CNTNAP5: variants seen among roughly 807,000 people sequenced by gnomAD.
The protein encoded by CNTNAP5 is contactin associated protein family member 5.
CNTNAP5 carries 72 observed loss-of-function variants against 150.2 expected under a neutral mutation model. The observed-to-expected ratio is 0.48, with a 90% CI of 0.40 to 0.58. The LOEUF (loss-of-function observed/expected upper bound fraction) is 0.58, where lower values mean the gene tolerates loss of function less well. Among genes scored for constraint, CNTNAP5 ranks in the 20% least tolerant of loss-of-function variants. The pLI, the probability that CNTNAP5 is intolerant of heterozygous loss-of-function variation, is 0.00. For synonymous variants in CNTNAP5, 672 were observed against 619.8 expected, an observed-to-expected ratio of 1.08 and a Z score of -1.25; for missense variants, 1,636 against 1,626.2, an observed-to-expected ratio of 1.01 and a Z score of -0.10.
At chr2:124,237,916 C>T (rs1382267823) in intron 2 of CNTNAP5, among the ~76,000 whole-genome samples, 3 of 152,106 alleles carry the variant, frequency 2.0e-5, no homozygotes, top group Admixed American at 2.0e-4. Context: ...TTCTTGCTTT[C>T]TTAAGATGTT....
At chr2:124,655,452 C>T (rs140529444) in intron 13 of CNTNAP5, among the ~76,000 whole-genome samples, 32 of 151,946 alleles carry the variant, frequency 2.1e-4, no homozygotes, top group Non-Finnish European at 3.1e-4. Flanking sequence ...CTGCAATAAA[C>T]GTACGTGTGC....
At chr2:124,649,960 A>T (rs1291714254) in intron 13 of CNTNAP5, among the ~76,000 whole-genome samples, 1 of 152,222 alleles carries the variant, frequency 6.6e-6, no homozygotes, top group Non-Finnish European at 1.5e-5. Context: ...AAATAGAATA[A>T]TTGTCATAAT....
intron 3 of CNTNAP5, among the ~76,000 whole-genome samples, chr2:124,314,848 A>G (rs889936155): frequency 6.6e-6 from 1 of 152,184 alleles, no homozygotes; most frequent in Non-Finnish European, 1.5e-5. Flanking sequence ...TTCTTATCTA[A>G]TAAAATATCA....
In CNTNAP5 at chr2:124,555,046, C is replaced by G. The variant is rs575894551; in HGVS notation, c.1650-8171C>G. Reference sequence around the variant, plus strand: ...AGGGTAAGGTTCTTCCTAAGACTGTCAACTGATACTGAGTCTTAACCCTGT... The same window carrying G: ...AGGGTAAGGTTCTTCCTAAGACTGTGAACTGATACTGAGTCTTAACCCTGT... On this transcript the variant is annotated intron_variant, in intron 10 of 23. Coordinates refer to ENST00000682447, the MANE Select transcript of CNTNAP5 (RefSeq NM_001367498.1). Among the ~76,000 whole-genome samples, 7 of 152,234 alleles carry G rather than the reference C, an allele frequency of 4.6e-5. No individual in the cohort carries two copies. The South Asian group carries it at 1.5e-3, about 32-fold the overall frequency.
rs912217712 is a variant in CNTNAP5 at position 124,916,063 on chromosome 2, A to G, written c.*1775A>G. Among the ~76,000 whole-genome samples the G allele has an allele frequency of 1.3e-5, 2 of 152,042 alleles. No individual in the cohort carries two copies. The highest frequency in any genetic ancestry group is 2.4e-5 in the African/African-American group (1 of 41,438). ...ATGAGGAACTTAGTTGCTTCATTCC[A>G]TTTCAAACACAGCTTTTCTTTCAGT... On this transcript the variant is annotated 3_prime_UTR_variant, in exon 24 of 24. Transcript: ENST00000682447.
chr2:124,440,263 T>C (rs1045639485), intron 5 of CNTNAP5, among the ~76,000 whole-genome samples: 1 of 152,176 alleles, frequency 6.6e-6, no homozygotes, highest in Non-Finnish European at 1.5e-5. Flanking sequence ...ATTCTGATGA[T>C]CTGATAGAGG....
At chr2:124,533,486 C>T (rs1047427078) in intron 10 of CNTNAP5, among the ~76,000 whole-genome samples, 6 of 152,116 alleles carry the variant, frequency 3.9e-5, no homozygotes, top group Admixed American at 2.0e-4. Context: ...TCCTGGAGGA[C>T]GTGGAATTGT....
chr2:124,064,345 G>A (rs116593147), intron 1 of CNTNAP5, among the ~76,000 whole-genome samples: 1 of 152,176 alleles, frequency 6.6e-6, no homozygotes, highest in African/African-American at 2.4e-5. Context: ...TTCAGGCATG[G>A]TGAGAAAGGT....
At chr2:124,510,545 A>G (rs1445222595) in intron 8 of CNTNAP5, among the ~76,000 whole-genome samples, 1 of 147,330 alleles carries the variant, frequency 6.8e-6, no homozygotes, top group Non-Finnish European at 1.5e-5. Context: ...ATCAACACAC[A>G]CACACCAACA....
At chr2:124,711,282 AT>A (rs61306771) in intron 13 of CNTNAP5, among the ~76,000 whole-genome samples, 24,594 of 151,894 alleles carry the variant, frequency 0.16, 2,247 homozygotes, top group East Asian at 0.24. Context: ...AAAATAAAAA[AT>A]AATAATAATA....
intron 17 of CNTNAP5, among the ~76,000 whole-genome samples, chr2:124,777,404 T>C (rs887102161): frequency 2.0e-5 from 3 of 152,080 alleles, no homozygotes; most frequent in Non-Finnish European, 4.4e-5. Context: ...AAACAGAGTC[T>C]CTCTCCATCG....
In CNTNAP5 at chr2:124,115,128, C is replaced by T. The variant is rs141697092; in HGVS notation, c.82+89396C>T. Among the ~76,000 whole-genome samples the T allele has an allele frequency of 3.7e-3, 560 of 151,982 alleles. 5 individuals are homozygous for T. The highest frequency in any genetic ancestry group is 0.013 in the African/African-American group (531 of 41,478). On this transcript the variant is annotated intron_variant, in intron 1 of 23. Transcript: ENST00000682447. ...TTCTACATATCTTTTTTACATATTACTAGAATCATTTGACTATTATATTTT... is the reference window on the plus strand; with the variant it reads ...TTCTACATATCTTTTTTACATATTATTAGAATCATTTGACTATTATATTTT...
intron 9 of CNTNAP5, 30 bp downstream of exon 9, chr2:124,524,482 T>C (rs1465395486): frequency 6.3e-7 from 1 of 1,578,384 alleles, no homozygotes; most frequent in African/African-American, 1.4e-5. Context: ...AGAGGGAAAA[T>C]TAAGAAGGGA....
intron 3 of CNTNAP5, among the ~76,000 whole-genome samples, chr2:124,361,575 G>A (rs1215203400): frequency 6.9e-6 from 1 of 144,574 alleles, no homozygotes; most frequent in Non-Finnish European, 1.5e-5. Flanking sequence ...GCCTTGTGAG[G>A]TGTCAGTGTG....
At chr2:124,424,033 A>T (rs1451457481) in intron 4 of CNTNAP5, among the ~76,000 whole-genome samples, 1 of 152,208 alleles carries the variant, frequency 6.6e-6, no homozygotes, top group Non-Finnish European at 1.5e-5. Context: ...TCCCAGTCTC[A>T]TTATGAATTA....
chr2:124,077,586 C>T (rs1558747222), intron 1 of CNTNAP5, among the ~76,000 whole-genome samples: 1 of 152,172 alleles, frequency 6.6e-6, no homozygotes, highest in African/African-American at 2.4e-5. Context: ...GGAAGCCTAA[C>T]CATTTGTCAC....
At chr2:124,555,308 G>A (rs2104921826) in intron 10 of CNTNAP5, among the ~76,000 whole-genome samples, 1 of 152,264 alleles carries the variant, frequency 6.6e-6, no homozygotes, top group Non-Finnish European at 1.5e-5. Context: ...CATGCCTAAG[G>A]AAGACGTGTA....
chr2:124,709,582 A>G (rs1008563201), intron 13 of CNTNAP5, among the ~76,000 whole-genome samples: 2 of 152,146 alleles, frequency 1.3e-5, no homozygotes, highest in Non-Finnish European at 2.9e-5. Flanking sequence ...GTCAGTCAGG[A>G]CAGCAATCTG....
chr2:124,870,692 G>A (rs1224990927), intron 21 of CNTNAP5, among the ~76,000 whole-genome samples: 14 of 152,210 alleles, frequency 9.2e-5, no homozygotes, highest in Middle Eastern at 3.4e-3. Flanking sequence ...CATTTAACAC[G>A]TAAGTTAGTT....
Sources: allele counts gnomAD v4.1 joint callset (sites outside exome capture counted in the v4.1 genomes callset), GRCh38; gene constraint gnomAD v4.1.1; transcripts MANE v1.5; gene names NCBI Gene and HGNC (gene_info 2026-07-23, HGNC 2026-07-21).